The following MAGI1 variants were observed in gnomAD, a reference collection of about 807,000 sequenced individuals.
The protein encoded by MAGI1 is membrane associated guanylate kinase, WW and PDZ domain containing 1.
A neutral mutation model predicts 139.9 loss-of-function variants in MAGI1; 58 were observed. The observed-to-expected ratio is 0.41, with a 90% confidence interval of 0.34 to 0.52. The LOEUF (loss-of-function observed/expected upper bound fraction) is 0.52. Among genes scored for constraint, MAGI1 ranks in the 20% least tolerant of loss-of-function variants. The pLI is 0.12. For synonymous variants in MAGI1, 812 were observed against 737.9 expected (o/e 1.10, Z -1.63); for missense variants, 1,874 against 1,901.6 (o/e 0.99, Z 0.27).
intron 2 of MAGI1, among the ~76,000 whole-genome samples, chr3:65,548,509 C>CTTTTTTTTTTTTTTTT (rs1306099660): frequency 2.6e-5 from 3 of 117,368 alleles, no homozygotes; most frequent in Admixed American, 1.1e-4. Context: ...GCAAACAACA[C>CTTTTTTTTTTTTTTTT]TCTTTTTTTT....
intron 1 of MAGI1, among the ~76,000 whole-genome samples, chr3:65,876,424 A>G (rs1028370665): frequency 2.0e-5 from 3 of 152,108 alleles, no homozygotes; most frequent in Admixed American, 6.5e-5. Context: ...TGATACTACT[A>G]TGTAGTTAGG....
chr3:65,884,672 G>C (rs1415329298), intron 1 of MAGI1, among the ~76,000 whole-genome samples: 1 of 151,906 alleles, frequency 6.6e-6, no homozygotes, highest in Non-Finnish European at 1.5e-5. Flanking sequence ...GCTGGGGTTT[G>C]GGCTTCCAAT....
intron 1 of MAGI1, among the ~76,000 whole-genome samples, chr3:65,678,889 G>A (rs1036717424): frequency 1.3e-5 from 2 of 152,134 alleles, no homozygotes; most frequent in African/African-American, 4.8e-5. Flanking sequence ...TCATTTTAAT[G>A]TATCCTTCTA....
chr3:65,647,481 T>C (rs1306618258), intron 1 of MAGI1, among the ~76,000 whole-genome samples: 2 of 151,938 alleles, frequency 1.3e-5, no homozygotes, highest in East Asian at 3.9e-4. Context: ...ATGTAAGCAT[T>C]CTAAAAAACA....
chr3:65,509,464 G>A (rs146218991), intron 2 of MAGI1, among the ~76,000 whole-genome samples: 3,958 of 152,282 alleles, frequency 0.026, 155 homozygotes, highest in African/African-American at 0.09. Flanking sequence ...TGCGCAAGCC[G>A]AAGCAGGGTG....
At chr3:65,996,827 T>C (rs990222574) in intron 1 of MAGI1, among the ~76,000 whole-genome samples, 11 of 152,254 alleles carry the variant, frequency 7.2e-5, no homozygotes, top group African/African-American at 2.7e-4. Context: ...ATCAACACCC[T>C]GAACTGAAGG....
At chr3:65,447,042 G>A (rs1948723667) in intron 7 of MAGI1, among the ~76,000 whole-genome samples, 1 of 152,100 alleles carries the variant, frequency 6.6e-6, no homozygotes, top group Non-Finnish European at 1.5e-5. Flanking sequence ...TATATTTTCA[G>A]GTCTTTAGGC....
At chr3:65,443,068 G>C (rs2107440970) in intron 7 of MAGI1, among the ~76,000 whole-genome samples, 1 of 151,668 alleles carries the variant, frequency 6.6e-6, no homozygotes, top group African/African-American at 2.4e-5. Context: ...TTTTATGCAA[G>C]AAAATAAAAC....
At chr3:65,379,654 T>C in intron 16 of MAGI1, 100 bp from the exon 17 acceptor site, 2 of 1,522,520 alleles carry the variant, frequency 1.3e-6, no homozygotes, top group South Asian at 2.6e-5. Context: ...AATCAAAACG[T>C]GAACCGAGGG....
At chr3:65,442,692 T>C (rs1575762690) in intron 8 of MAGI1, 100 bp downstream of exon 8, 2 of 719,580 alleles carry the variant, frequency 2.8e-6, no homozygotes, top group African/African-American at 1.8e-5. Flanking sequence ...ATATTGTTAA[T>C]TGGTTTGTGC....
chr3:65,642,529 C>G (rs2085038470), intron 1 of MAGI1, among the ~76,000 whole-genome samples: 2 of 152,194 alleles, frequency 1.3e-5, no homozygotes, highest in Non-Finnish European at 2.9e-5. Flanking sequence ...AATGACTTAG[C>G]TAGACAGTCC....
At chr3:65,859,914 T>TG (rs2059497213) in intron 1 of MAGI1, among the ~76,000 whole-genome samples, 1 of 151,600 alleles carries the variant, frequency 6.6e-6, no homozygotes, top group South Asian at 2.1e-4. Context: ...TTGTTTTTTT[T>TG]TTTTTGAGAC....
intron 1 of MAGI1, among the ~76,000 whole-genome samples, chr3:66,018,237 T>C (rs1264399515): frequency 6.6e-6 from 1 of 151,766 alleles, no homozygotes; most frequent in Non-Finnish European, 1.5e-5. Context: ...AGCCCCTGCA[T>C]ATTTTCACAC....
chr3:66,022,452 TTC>T (rs1324413534), intron 1 of MAGI1, among the ~76,000 whole-genome samples: 2 of 152,214 alleles, frequency 1.3e-5, no homozygotes, highest in Non-Finnish European at 2.9e-5. Flanking sequence ...TTCAAAAGTT[TTC>T]TCTTTTTAAT....
chr3:65,466,505 C>T (rs1950183023), intron 5 of MAGI1, among the ~76,000 whole-genome samples: 2 of 152,016 alleles, frequency 1.3e-5, no homozygotes, highest in African/African-American at 4.8e-5. Context: ...GGCTTGAGCT[C>T]CCCACCAGGC....
At position 65,486,231 on chromosome 3, in the gene MAGI1, A is replaced by AGAAGAGGT. The variant is rs1351691957; in HGVS notation, c.550+7280_550+7281insACCTCTTC. ...TGCTGACATCCTCTTCCTAATTAAC[A>AGAAGAGGT]TGCAGAAATATGCAACCCATAACTC... On this transcript the variant is annotated intron_variant, in intron 3 of 22. Transcript: ENST00000402939. Among the ~76,000 whole-genome samples the AGAAGAGGT allele has an allele frequency of 3.9e-5, 6 of 152,310 alleles. No homozygotes were observed. The East Asian group carries it at 1.2e-3, about 29-fold the overall frequency.
chr3:65,441,002 C>G (rs891491626), intron 8 of MAGI1, among the ~76,000 whole-genome samples: 1 of 151,714 alleles, frequency 6.6e-6, no homozygotes, highest in Non-Finnish European at 1.5e-5. Context: ...TCTCTGTCAC[C>G]CAGGCTGGAG....
intron 14 of MAGI1, among the ~76,000 whole-genome samples, chr3:65,389,700 A>G (rs926072623): frequency 6.6e-6 from 1 of 152,198 alleles, no homozygotes; most frequent in African/African-American, 2.4e-5. Flanking sequence ...ATGGAACTTC[A>G]TTTCCTTTAG....
At chr3:65,466,173 G>A (rs1950159604) in intron 5 of MAGI1, among the ~76,000 whole-genome samples, 1 of 152,186 alleles carries the variant, frequency 6.6e-6, no homozygotes, top group Non-Finnish European at 1.5e-5. Context: ...GCTTGCTGAA[G>A]TAATTTTATG....
Sources: gnomAD v4.1 joint callset for allele counts (sites outside exome capture counted in the v4.1 genomes callset) on GRCh38, gnomAD v4.1.1 for gene constraint, MANE v1.5 for transcripts, NCBI Gene and HGNC (gene_info 2026-07-23, HGNC 2026-07-21) for gene names.